Variants in NRXN3 observed in about 807,000 individuals in gnomAD.
The protein encoded by NRXN3 is neurexin III.
In NRXN3, 32 loss-of-function variants were observed where a neutral mutation model predicts 137.6. The observed-to-expected ratio is 0.23, with a 90% CI of 0.18 to 0.31. The LOEUF (loss-of-function observed/expected upper bound fraction) is 0.31, where lower values mean the gene tolerates loss of function less well. Ranked by LOEUF, NRXN3 falls within the 10% of genes least tolerant of loss-of-function variation. The pLI is 1.00. For synonymous variants in NRXN3, 798 were observed against 784.5 expected, an observed-to-expected ratio of 1.02 and a Z score of -0.29; for missense variants, 1,574 against 2,062.5, an observed-to-expected ratio of 0.76 and a Z score of 4.59.
At chr14:78,629,570 C>A (rs182647861) in intron 4 of NRXN3, among the ~76,000 whole-genome samples, 5 of 152,346 alleles carry the variant, frequency 3.3e-5, no homozygotes, top group East Asian at 1.9e-4. Context: ...CTGGAGTTAT[C>A]CATGTAATCC....
intron 10 of NRXN3, among the ~76,000 whole-genome samples, chr14:78,838,842 G>A (rs1055318544): frequency 6.6e-6 from 1 of 152,124 alleles, no homozygotes; most frequent in Non-Finnish European, 1.5e-5. Context: ...AGCTGTGCAG[G>A]GGTAGGTGGC....
rs147935681 is a variant in NRXN3, at chr14:78,996,795, G to A, written c.3262+8654G>A. ...AAGGCGAGACAGATGCAAAAGAAAC[G>A]TCAGGAGTGGCAGCACCAAAGGTTA... On this transcript the variant is annotated intron_variant, in intron 15 of 20. Transcript: ENST00000335750. Among the ~76,000 whole-genome samples the A allele has an allele frequency of 4.1e-4, 62 of 152,186 alleles. No individual in the cohort carries two copies. The East Asian group carries it at 7.9e-3, about 19-fold the overall frequency.
intron 10 of NRXN3, among the ~76,000 whole-genome samples, chr14:78,849,555 T>C (rs1244531089): frequency 6.6e-6 from 1 of 152,154 alleles, no homozygotes; most frequent in Non-Finnish European, 1.5e-5. Context: ...AATAATGACA[T>C]AAGTTTACAT....
intron 16 of NRXN3, among the ~76,000 whole-genome samples, chr14:79,660,796 T>C (rs138466658): frequency 1.9e-3 from 284 of 152,238 alleles, no homozygotes; most frequent in African/African-American, 6.6e-3. Flanking sequence ...TGGTTTCTCA[T>C]TGAAGAACAG....
chr14:78,365,298 G>A (rs2085755813), intron 4 of NRXN3, among the ~76,000 whole-genome samples: 2 of 152,014 alleles, frequency 1.3e-5, no homozygotes, highest in South Asian at 4.1e-4. Flanking sequence ...TTTAATAAAT[G>A]ACACCAAGAT....
At chr14:79,060,340 A>G (rs888791915) in intron 15 of NRXN3, among the ~76,000 whole-genome samples, 1 of 152,196 alleles carries the variant, frequency 6.6e-6, no homozygotes, top group Non-Finnish European at 1.5e-5. Context: ...TTTTAGTTGA[A>G]TACTTCTTGA....
At chr14:78,816,951 C>T (rs944593967) in intron 10 of NRXN3, among the ~76,000 whole-genome samples, 2 of 152,158 alleles carry the variant, frequency 1.3e-5, no homozygotes, top group East Asian at 3.8e-4. Flanking sequence ...TCATTCATGA[C>T]TTTGGTGACA....
intron 16 of NRXN3, among the ~76,000 whole-genome samples, chr14:79,482,873 C>A (rs191231547): frequency 6.6e-6 from 1 of 152,292 alleles, no homozygotes; most frequent in East Asian, 1.9e-4. Flanking sequence ...AAGATCACCC[C>A]TTATGGTAAC....
intron 16 of NRXN3, among the ~76,000 whole-genome samples, chr14:79,512,479 T>A: frequency 6.6e-6 from 1 of 152,306 alleles, no homozygotes; most frequent in South Asian, 2.1e-4. Flanking sequence ...ACTTTTATGA[T>A]AAAAATATAG....
chr14:79,544,703 A>T (rs2097303216), intron 16 of NRXN3, among the ~76,000 whole-genome samples: 1 of 152,200 alleles, frequency 6.6e-6, no homozygotes, highest in African/African-American at 2.4e-5. Flanking sequence ...AAGAGCCTAG[A>T]TCACTCTCCC....
intron 15 of NRXN3, among the ~76,000 whole-genome samples, chr14:79,428,607 A>AAC (rs1417283524): frequency 6.6e-6 from 1 of 152,146 alleles, no homozygotes; most frequent in Non-Finnish European, 1.5e-5. Flanking sequence ...TACATATATA[A>AAC]GTGTAACACT....
intron 6 of NRXN3, among the ~76,000 whole-genome samples, chr14:78,701,527 G>A (rs938732177): frequency 2.6e-5 from 4 of 152,088 alleles, no homozygotes; most frequent in Admixed American, 6.6e-5. Context: ...TAAGGATTTT[G>A]CTACTTCAAC....
chr14:78,435,153 C>G (rs752084355), intron 4 of NRXN3, among the ~76,000 whole-genome samples: 1 of 152,208 alleles, frequency 6.6e-6, no homozygotes, highest in African/African-American at 2.4e-5. Flanking sequence ...TTACTTGTGG[C>G]TCTGTAACTC....
chr14:79,700,334 G>A (rs570168935), intron 19 of NRXN3, among the ~76,000 whole-genome samples: 1 of 152,182 alleles, frequency 6.6e-6, no homozygotes, highest in African/African-American at 2.4e-5. Context: ...GGAAAAAAAG[G>A]TAGGGAAGAC....
chr14:78,307,570 C>G (rs2077498497), intron 4 of NRXN3, among the ~76,000 whole-genome samples: 1 of 152,008 alleles, frequency 6.6e-6, no homozygotes, highest in African/African-American at 2.4e-5. Flanking sequence ...GCGCAGGTTT[C>G]CCTCTATACA....
intron 15 of NRXN3, among the ~76,000 whole-genome samples, chr14:79,175,367 G>C (rs1262545224): frequency 6.6e-6 from 1 of 152,186 alleles, no homozygotes; most frequent in East Asian, 1.9e-4. Context: ...ATAAAGAACA[G>C]AAGATTGAGA....
At chr14:79,080,510 T>G (rs1009636805) in intron 15 of NRXN3, among the ~76,000 whole-genome samples, 4 of 152,154 alleles carry the variant, frequency 2.6e-5, no homozygotes, top group African/African-American at 9.7e-5. Flanking sequence ...TCCCCCAGAG[T>G]GTATATAGGG....
chr14:78,784,799 G>T (rs1223265661), intron 8 of NRXN3, among the ~76,000 whole-genome samples: 1 of 152,144 alleles, frequency 6.6e-6, no homozygotes. Context: ...AGAACTGGAT[G>T]ACAGTAGAGT....
intron 16 of NRXN3, among the ~76,000 whole-genome samples, chr14:79,489,499 T>C (rs554310458): frequency 6.6e-6 from 1 of 152,274 alleles, no homozygotes; most frequent in South Asian, 2.1e-4. Flanking sequence ...AGCATTTGCA[T>C]TAGTATGGAA....
Sources: allele counts gnomAD v4.1 joint callset (sites outside exome capture counted in the v4.1 genomes callset), GRCh38; gene constraint gnomAD v4.1.1; transcripts MANE v1.5; gene names NCBI Gene and HGNC (gene_info 2026-07-23, HGNC 2026-07-21).